The following PIK3CG variants were observed in gnomAD, a reference collection of about 807,000 sequenced individuals.
The protein encoded by PIK3CG is phosphatidylinositol 4,5-bisphosphate 3-kinase catalytic subunit gamma isoform.
In PIK3CG, 55 loss-of-function variants were observed where a neutral mutation model predicts 102.3. The observed-to-expected ratio is 0.54, with a 90% confidence interval of 0.43 to 0.67. PIK3CG has a LOEUF of 0.67. Among genes scored for constraint, PIK3CG ranks in the 30% least tolerant of loss-of-function variants. The probability of loss-of-function intolerance (pLI) is 0.00; values close to 1 mark genes in which losing one functional copy is unlikely to be tolerated. For missense variants in PIK3CG, 1,258 were observed against 1,391.8 expected, an observed-to-expected ratio of 0.90 and a Z score of 1.53; for synonymous variants, 552 against 540.0, an observed-to-expected ratio of 1.02 and a Z score of -0.31.
In PIK3CG at chr7:106,899,748, G is replaced by A. The variant is rs1791496450; in HGVS notation, c.3031-5361G>A. On this transcript the variant is annotated intron_variant, in intron 10 of 10. Coordinates refer to ENST00000496166, the MANE Select transcript of PIK3CG (RefSeq NM_001282426.2). This position sits in a 1 kb window ranked among gnomAD's most constrained non-coding sequence, Gnocchi z 4.6. ...TGGTGGATTAGCTTTTTGATGTGCT[G>A]CTGGATTTGGTTTGCAAGTATTTGA... 6.6e-6 allele frequency among the ~76,000 whole-genome samples: 1 copy of A among 152,170 alleles called. No individual in the cohort carries two copies. Among genetic ancestry groups the A allele is most frequent in the South Asian group, 2.1e-4 (1 of 4,828 alleles).
rs144242151 is a variant in PIK3CG, at chr7:106,883,920, C to A, written c.2761-235C>A. On this transcript the variant is annotated intron_variant, in intron 8 of 10. Transcript: ENST00000496166. The surrounding 1 kb of genome is among the most constrained non-coding windows in gnomAD (Gnocchi z 5.8). ...AACCCTTTGATTAAATTACTGTTGC[C>A]CTTTGACTCTTGTTTCTTCCTCATG... 1.7e-3 allele frequency among the ~76,000 whole-genome samples: 262 copies of A among 152,152 alleles called. 3 individuals carry two copies. Among genetic ancestry groups the A allele is most frequent in the African/African-American group, 5.8e-3 (242 of 41,514 alleles).
intron 5 of PIK3CG, among the ~76,000 whole-genome samples, chr7:106,878,360 T>C (rs1422860306): frequency 6.6e-6 from 1 of 152,240 alleles, no homozygotes; most frequent in Admixed American, 6.5e-5. Context: ...TTTAGGCTGC[T>C]GGAGTCTATG....
chr7:106,899,103 A>G lies in PIK3CG; in HGVS notation c.3031-6006A>G, dbSNP rs191229609. The stretch of plus-strand genomic sequence containing the variant: ...CACCTCCCTGGTTGGCTATATCCCT[A>G]GGTATTTTATTCTTTTTGTGGCAAT... On this transcript the variant is annotated intron_variant, in intron 10 of 10. Transcript: ENST00000496166. The surrounding 1 kb of genome is among the most constrained non-coding windows in gnomAD (Gnocchi z 4.6). Among the ~76,000 whole-genome samples, 2 of 152,066 alleles carry G rather than the reference A, an allele frequency of 1.3e-5. No homozygotes were observed. Among genetic ancestry groups the G allele is most frequent in the Non-Finnish European group, 2.9e-5 (2 of 67,988 alleles).
In PIK3CG at chr7:106,879,475, C is replaced by T. The variant is rs1018079927; in HGVS notation, c.2392-44C>T. 14 of 1,505,442 alleles carry T rather than the reference C, an allele frequency of 9.3e-6. No individual in the cohort carries two copies. Among genetic ancestry groups the T allele is most frequent in the Admixed American group, 1.7e-5 (1 of 59,178 alleles). 93.3% of individuals were successfully genotyped at this position (1,505,442 alleles called of 1,614,324 possible). On this transcript the variant is annotated intron_variant, in intron 5 of 10. Transcript: ENST00000496166. This position sits in a 1 kb window ranked among gnomAD's most constrained non-coding sequence, Gnocchi z 4.9. ...AATTTGTGTCTCCACCATGTATATTCGTTATTCATTGTGTGTGGGGAATAT... is the reference window on the plus strand; with the variant it reads ...AATTTGTGTCTCCACCATGTATATTTGTTATTCATTGTGTGTGGGGAATAT...
In PIK3CG at chr7:106,866,085, A is replaced by G. The variant is rs1790273830; in HGVS notation, c.-13+659A>G. On this transcript the variant is annotated intron_variant, in intron 1 of 10. Transcript: ENST00000496166. ...TTAAAAGTTAAGCCAAGATTTGAACATAAGTTTGGATCAAATGAAATTTGT... is the reference window on the plus strand; with the variant it reads ...TTAAAAGTTAAGCCAAGATTTGAACGTAAGTTTGGATCAAATGAAATTTGT... Among the ~76,000 whole-genome samples the G allele has an allele frequency of 2.0e-5, 3 of 152,240 alleles. No individual in the cohort carries two copies. In the South Asian group the frequency reaches 6.2e-4, roughly 31 times the overall value.
At chr7:106,876,963 C>T (rs1432765558) in intron 5 of PIK3CG, among the ~76,000 whole-genome samples, 1 of 151,856 alleles carries the variant, frequency 6.6e-6, no homozygotes, top group East Asian at 1.9e-4. Context: ...TGTGGGAAGC[C>T]AAGGCGGGAG....
At chr7:106,896,654 A>C (rs1791416886) in intron 10 of PIK3CG, among the ~76,000 whole-genome samples, 1 of 152,206 alleles carries the variant, frequency 6.6e-6, no homozygotes, top group African/African-American at 2.4e-5. Flanking sequence ...ATGGCTGGGC[A>C]GCAGCAGCAA....
rs1436768388 is a variant in PIK3CG at position 106,906,941 on chromosome 7, C to G, written c.*1554C>G. ...AAAACACTCTTATCAGCCTGGGCAA[C>G]ACAGTGAGACTCCATCTCTTAAAAA... On this transcript the variant is annotated 3_prime_UTR_variant, in exon 11 of 11. Transcript: ENST00000496166. The G allele has an allele frequency of 1.4e-5, 3 of 218,736 alleles. No homozygotes were observed. The highest frequency in any genetic ancestry group is 2.7e-5 in the Non-Finnish European group (3 of 110,752). The allele number at this position is 218,736 out of a possible 1,614,324, so 13.5% of individuals were successfully genotyped here.
chr7:106,885,797 C>G (rs943463902), intron 9 of PIK3CG, among the ~76,000 whole-genome samples: 1 of 151,956 alleles, frequency 6.6e-6, no homozygotes, highest in Non-Finnish European at 1.5e-5. Context: ...TCCTGAGTTG[C>G]GTAAAGAGCA....
rs1242156867 is a variant in PIK3CG at position 106,892,378 on chromosome 7, C to T, written c.3030+6086C>T. Among the ~76,000 whole-genome samples the T allele has an allele frequency of 6.6e-6, 1 of 152,256 alleles. No homozygotes were observed. Among genetic ancestry groups the T allele is most frequent in the African/African-American group, 2.4e-5 (1 of 41,472 alleles). Reference sequence around the variant, plus strand: ...AAATAGGACACTAATTCAACGCACACTGACTAAATACATACTACAGTTTAG... The same window carrying T: ...AAATAGGACACTAATTCAACGCACATTGACTAAATACATACTACAGTTTAG... On this transcript the variant is annotated intron_variant, in intron 10 of 10. Transcript: ENST00000496166. The surrounding 1 kb of genome is among the most constrained non-coding windows in gnomAD (Gnocchi z 5.2).
intron 10 of PIK3CG, among the ~76,000 whole-genome samples, chr7:106,896,288 C>T (rs1791405733): frequency 1.3e-5 from 2 of 152,236 alleles, no homozygotes; most frequent in African/African-American, 4.8e-5. Flanking sequence ...TAATTTCCCT[C>T]CTTGAAAATG....
rs751674947 is a variant in PIK3CG, at chr7:106,884,114, G to A, written c.2761-41G>A. ...CATTTGTAGATTCATGATGCTTTTT[G>A]TAGTTAGAAGACAACTAATATTCAA... On this transcript the variant is annotated intron_variant, in intron 8 of 10. Coordinates refer to ENST00000496166, the MANE Select transcript of PIK3CG (RefSeq NM_001282426.2). The surrounding 1 kb of genome is among the most constrained non-coding windows in gnomAD (Gnocchi z 4.2). The A allele has an allele frequency of 8.8e-6, 12 of 1,370,376 alleles. No homozygotes were observed. The highest frequency in any genetic ancestry group is 2.4e-5 in the South Asian group (2 of 83,706). The allele number at this position is 1,370,376 out of a possible 1,614,324, so 84.9% of individuals were successfully genotyped here.
In PIK3CG at chr7:106,868,171, T is replaced by A. The variant is rs1562954034; in HGVS notation, c.610T>A (p.Ser204Thr). ...KLYAMHPWVT[S>T]KPLPEYLWKK... Reference sequence around the variant, plus strand: ...CTACGCCATGCACCCGTGGGTGACGTCCAAGCCCCTCCCGGAGTACCTGTG... The same window carrying A: ...CTACGCCATGCACCCGTGGGTGACGACCAAGCCCCTCCCGGAGTACCTGTG... Residue 204 changes from serine to threonine, a missense_variant, in exon 2 of 11, where the codon TCC (serine) becomes ACC (threonine). Physicochemically the swap from Ser to Thr is moderately conservative, Grantham distance 58. Coordinates refer to ENST00000496166, the MANE Select transcript of PIK3CG (RefSeq NM_001282426.2). The surrounding 1 kb of genome is among the most constrained non-coding windows in gnomAD (Gnocchi z 6.2). 1 of 1,612,620 alleles carries A rather than the reference T, an allele frequency of 6.2e-7. No individual in the cohort carries two copies. The highest frequency in any genetic ancestry group is 8.5e-7 in the Non-Finnish European group (1 of 1,179,994).
rs1422802701 is a variant in PIK3CG, at chr7:106,905,862, T to C, written c.*475T>C. 8.3e-6 allele frequency: 2 copies of C among 242,258 alleles called. No homozygotes were observed. The highest frequency in any genetic ancestry group is 4.4e-5 in the African/African-American group (2 of 45,300). 15.0% of individuals were successfully genotyped at this position (242,258 alleles called of 1,614,324 possible). Reference sequence around the variant, plus strand: ...TTAAATGATGCTTCCAAACATCTCCTTAGTGTCTGCAGGTGTTAGTGGTGT... The same window carrying C: ...TTAAATGATGCTTCCAAACATCTCCCTAGTGTCTGCAGGTGTTAGTGGTGT... On this transcript the variant is annotated 3_prime_UTR_variant, in exon 11 of 11. Transcript: ENST00000496166. This position sits in a 1 kb window ranked among gnomAD's most constrained non-coding sequence, Gnocchi z 5.6.
rs1326957848 is a variant in PIK3CG, at chr7:106,867,620, G to A, written c.59G>A (p.Arg20His). 1 of 1,611,238 alleles carries A rather than the reference G, an allele frequency of 6.2e-7. No homozygotes were observed. Among genetic ancestry groups the A allele is most frequent in the Non-Finnish European group, 8.5e-7 (1 of 1,178,984 alleles). Residue 20 changes from arginine (R) to histidine (H), a missense_variant, in exon 2 of 11, where the codon CGC (arginine) becomes CAC (histidine). This residue lies in a region of PIK3CG where 832 missense variants were observed against 787.5 expected (regional missense o/e 1.06). Transcript: ENST00000496166. The surrounding 1 kb of genome is among the most constrained non-coding windows in gnomAD (Gnocchi z 5.1). Reference protein sequence around the residue: ...VVLREDNCRRRRRMKPRSAAA... With the variant: ...VVLREDNCRRHRRMKPRSAAA... ...CTGAGAGAGGACAACTGCCGAAGGC[G>A]CCGGAGGATGAAGCCGCGCAGTGCT...
chr7:106,868,537 G>C lies in PIK3CG; in HGVS notation c.976G>C (p.Val326Leu), dbSNP rs1429721824. ...DEVRKEEWPL[V>L]DDCTGVTGYH... ...GGTGAGGAAGGAAGAGTGGCCACTG[G>C]TGGATGACTGCACGGGAGTCACCGG... Residue 326 changes from valine to leucine, a missense_variant, in exon 2 of 11, where the codon GTG becomes CTG. Val to Leu is a conservative substitution (Grantham distance 32, BLOSUM62 1). Transcript: ENST00000496166. The surrounding 1 kb of genome is among the most constrained non-coding windows in gnomAD (Gnocchi z 6.2). 1 of 1,614,104 alleles carries C rather than the reference G, an allele frequency of 6.2e-7. No individual in the cohort carries two copies. Among genetic ancestry groups the C allele is most frequent in the East Asian group, 2.2e-5 (1 of 44,860 alleles).
chr7:106,879,618 A>C lies in PIK3CG; in HGVS notation c.2491A>C (p.Ile831Leu), dbSNP rs749336125. 1.9e-6 allele frequency: 3 copies of C among 1,613,146 alleles called. No individual in the cohort carries two copies. The South Asian group carries it at 3.3e-5, about 18-fold the overall frequency. ...TALSNETIGI[I>L]FKHGDDLRQD... is the part of the protein sequence containing the mutation. The stretch of plus-strand genomic sequence containing the variant: ...CCTATCAAATGAAACAATTGGAATT[A>C]TCTTTAAACATGGTGATGATCTGCG... Residue 831 changes from isoleucine (I) to leucine (L), a missense_variant, in exon 6 of 11, where the codon ATC becomes CTC. Around this residue, in one of 2 missense-constraint regions of PIK3CG, gnomAD observed 426 missense variants for 604.2 expected, o/e 0.71. Coordinates refer to ENST00000496166, the MANE Select transcript of PIK3CG (RefSeq NM_001282426.2). This position sits in a 1 kb window ranked among gnomAD's most constrained non-coding sequence, Gnocchi z 4.9.
rs1390860869 is a variant in PIK3CG, at chr7:106,893,223, T to C, written c.3030+6931T>C. On this transcript the variant is annotated intron_variant, in intron 10 of 10. Transcript: ENST00000496166. This position sits in a 1 kb window ranked among gnomAD's most constrained non-coding sequence, Gnocchi z 4.4. ...CCCCGACCCACTGACTAGGCCAGGC[T>C]CAGGCTCCCCTGTCTCAGTGTGAAG... Among the ~76,000 whole-genome samples, 5 of 152,184 alleles carry C rather than the reference T, an allele frequency of 3.3e-5. No homozygotes were observed. Among genetic ancestry groups the C allele is most frequent in the African/African-American group, 9.7e-5 (4 of 41,450 alleles).
chr7:106,879,585 C>A lies in PIK3CG; in HGVS notation c.2458C>A (p.Pro820Thr), dbSNP rs2116523279. The change falls in exon 6 of 11, where the codon CCT becomes ACT. Residue 820 changes from proline (P) to threonine (T), a missense_variant. Around this residue, in one of 2 missense-constraint regions of PIK3CG, gnomAD observed 426 missense variants for 604.2 expected, o/e 0.71. Transcript: ENST00000496166. This position sits in a 1 kb window ranked among gnomAD's most constrained non-coding sequence, Gnocchi z 4.9. ...PLWLEFKCAD[P>T]TALSNETIGI... ...ATGGCTTGAGTTTAAATGTGCCGATCCTACAGCCCTATCAAATGAAACAAT... is the reference window on the plus strand; with the variant it reads ...ATGGCTTGAGTTTAAATGTGCCGATACTACAGCCCTATCAAATGAAACAAT... The A allele has an allele frequency of 1.2e-6, 2 of 1,612,170 alleles. No homozygotes were observed. The highest frequency in any genetic ancestry group is 8.5e-7 in the Non-Finnish European group (1 of 1,178,274).
Sources: allele counts gnomAD v4.1 joint callset (sites outside exome capture counted in the v4.1 genomes callset), GRCh38; gene constraint gnomAD v4.1.1; regional missense constraint gnomAD v4.1.1; non-coding constraint Gnocchi (gnomAD v3.1); transcripts MANE v1.5; gene names NCBI Gene and HGNC (gene_info 2026-07-23, HGNC 2026-07-21).